Variants in WWTR1 observed in about 807,000 individuals in gnomAD.
WWTR1 encodes the protein WW domain-containing transcription regulator protein 1.
WWTR1 carries 13 observed loss-of-function variants against 40.1 expected under a neutral mutation model. The observed-to-expected ratio is 0.32, with a 90% CI of 0.21 to 0.52. The LOEUF is 0.52. Among genes scored for constraint, WWTR1 ranks in the 20% least tolerant of loss-of-function variants. The pLI is 0.97. For missense variants in WWTR1, 436 were observed against 523.1 expected, an observed-to-expected ratio of 0.83 and a Z score of 1.63; for synonymous variants, 230 against 210.1, an observed-to-expected ratio of 1.09 and a Z score of -0.82.
chr3:149,526,158 G>A (rs754852375), intron 5 of WWTR1, 33 bp from the exon 6 acceptor site: 19 of 1,479,368 alleles, frequency 1.3e-5, no homozygotes, highest in African/African-American at 7.1e-5. Flanking sequence ...ACTTCAATAT[G>A]AGCCCACTAA....
chr3:149,709,009 A>T (rs1472360372), intron 5 of WWTR1, among the ~76,000 whole-genome samples: 3 of 151,840 alleles, frequency 2.0e-5, no homozygotes, highest in African/African-American at 7.2e-5. Context: ...ATTTATATTT[A>T]TATTTTATTT....
intron 2 of WWTR1, among the ~76,000 whole-genome samples, chr3:149,609,133 C>A (rs778715558): frequency 1.3e-5 from 2 of 152,148 alleles, no homozygotes; most frequent in Non-Finnish European, 2.9e-5. Flanking sequence ...TAGAAGTCAT[C>A]TAGTCCAACT....
In WWTR1 at chr3:149,638,565, G is replaced by A. The variant is rs182698464; in HGVS notation, c.431+18311C>T. Among the ~76,000 whole-genome samples, 597 of 151,826 alleles carry A rather than the reference G, an allele frequency of 3.9e-3. 3 individuals are homozygous for A. Among genetic ancestry groups the A allele is most frequent in the Non-Finnish European group, 7.0e-3 (475 of 67,948 alleles). On this transcript the variant is annotated intron_variant, in intron 2 of 6. Coordinates refer to ENST00000360632, the MANE Select transcript of WWTR1 (RefSeq NM_015472.6). The stretch of plus-strand genomic sequence containing the variant: ...ATGACTCCTTTTCTCTTGTCTCTGC[G>A]TGTGCTTCTCTGACTCGCTTGGCCT...
intron 1 of WWTR1, among the ~76,000 whole-genome samples, chr3:149,692,476 T>G (rs955884325): frequency 4.6e-5 from 7 of 152,130 alleles, no homozygotes; most frequent in African/African-American, 1.7e-4. Flanking sequence ...CTCAACAAAC[T>G]GGGTAATGTG....
chr3:149,613,534 T>A (rs897903335), intron 2 of WWTR1, among the ~76,000 whole-genome samples: 1 of 152,124 alleles, frequency 6.6e-6, no homozygotes, highest in Admixed American at 6.5e-5. Flanking sequence ...TACTAACTTA[T>A]ATTCTTTTGT....
chr3:149,523,973 G>A (rs1438452124), intron 6 of WWTR1, among the ~76,000 whole-genome samples: 1 of 152,180 alleles, frequency 6.6e-6, no homozygotes, highest in Non-Finnish European at 1.5e-5. Flanking sequence ...CCAGGTTAAC[G>A]TGGCACTCTG....
At chr3:149,676,289 ATTCT>A (rs1221988460) in intron 1 of WWTR1, among the ~76,000 whole-genome samples, 3 of 152,112 alleles carry the variant, frequency 2.0e-5, no homozygotes, top group African/African-American at 7.2e-5. Context: ...TTCAGTATTG[ATTCT>A]TTATCAGCAA....
At chr3:149,700,594 AAAATTAAATTAAATT>A (rs147804619) in intron 1 of WWTR1, among the ~76,000 whole-genome samples, 2 of 151,780 alleles carry the variant, frequency 1.3e-5, no homozygotes, top group African/African-American at 2.4e-5. Context: ...AAAAGACAAA[AAAATTAAATTAAATT>A]AAATTAAATT....
chr3:149,573,115 G>T, intron 2 of WWTR1, 115 bp from the exon 3 acceptor site: 1 of 1,158,268 alleles, frequency 8.6e-7, no homozygotes, highest in Non-Finnish European at 1.2e-6. Context: ...CTGCTTGAGT[G>T]GTTGATAGAT....
chr3:149,715,377 G>A (rs1025259686), intron 5 of WWTR1, among the ~76,000 whole-genome samples: 1 of 152,228 alleles, frequency 6.6e-6, no homozygotes, highest in Non-Finnish European at 1.5e-5. Flanking sequence ...GTGCCAGCTG[G>A]GGAAGTTGCT....
At chr3:149,683,436 G>A (rs778201266) in intron 1 of WWTR1, among the ~76,000 whole-genome samples, 2 of 152,214 alleles carry the variant, frequency 1.3e-5, no homozygotes, top group Non-Finnish European at 2.9e-5. Context: ...GCTCATGCCT[G>A]TAATCCCAGC....
At chr3:149,529,751 A>T (rs141196271) in intron 4 of WWTR1, among the ~76,000 whole-genome samples, 199 of 152,330 alleles carry the variant, frequency 1.3e-3, no homozygotes, top group African/African-American at 4.5e-3. Flanking sequence ...TGAATCTGGC[A>T]TAAAAAGCCT....
chr3:149,625,340 G>T (rs182409873), intron 2 of WWTR1, among the ~76,000 whole-genome samples: 1 of 151,338 alleles, frequency 6.6e-6, no homozygotes, highest in East Asian at 2.0e-4. Flanking sequence ...GGATGGTCTC[G>T]ATCTCCTGAC....
intron 2 of WWTR1, chr3:149,669,705 T>A (rs781665008): frequency 6.6e-6 from 1 of 152,094 alleles, no homozygotes; most frequent in Non-Finnish European, 1.5e-5. Flanking sequence ...AACAATGATA[T>A]CTATATTTAT....
At chr3:149,717,345 A>G (rs368605577) in intron 5 of WWTR1, 1 of 152,368 alleles carries the variant, frequency 6.6e-6, no homozygotes, top group East Asian at 1.9e-4. Flanking sequence ...CAAACAAAAA[A>G]GATTATGAAC....
intron 2 of WWTR1, among the ~76,000 whole-genome samples, chr3:149,588,559 T>C (rs528202137): frequency 6.6e-6 from 1 of 152,348 alleles, no homozygotes; most frequent in East Asian, 1.9e-4. Flanking sequence ...ATAAATTACA[T>C]GGATCTGTAT....
chr3:149,594,615 A>C (rs1259449869), intron 2 of WWTR1, among the ~76,000 whole-genome samples: 1 of 152,094 alleles, frequency 6.6e-6, no homozygotes, highest in Non-Finnish European at 1.5e-5. Flanking sequence ...AAACAAACAA[A>C]ATGGTCAAGG....
At chr3:149,577,417 C>T (rs1433910876) in intron 2 of WWTR1, among the ~76,000 whole-genome samples, 1 of 152,128 alleles carries the variant, frequency 6.6e-6, no homozygotes, top group Non-Finnish European at 1.5e-5. Context: ...GTGGGGTTAA[C>T]GGTACCTGTA....
intron 6 of WWTR1, among the ~76,000 whole-genome samples, chr3:149,525,091 G>A (rs1233209231): frequency 6.6e-6 from 1 of 152,196 alleles, no homozygotes; most frequent in East Asian, 1.9e-4. Flanking sequence ...GGTGAGGCTG[G>A]ACCTGAAGGA....
Sources: gnomAD v4.1 joint callset for allele counts (sites outside exome capture counted in the v4.1 genomes callset) on GRCh38, gnomAD v4.1.1 for gene constraint, MANE v1.5 for transcripts, NCBI Gene and HGNC (gene_info 2026-07-23, HGNC 2026-07-21) for gene names.